Variants in RNF13 observed in about 807,000 individuals in gnomAD.
RNF13 encodes the protein E3 ubiquitin-protein ligase RNF13.
Under a neutral mutation model 37.7 loss-of-function variants are expected in RNF13, and 19 were observed. The observed-to-expected ratio is 0.50, with a 90% confidence interval of 0.35 to 0.74. RNF13 has a LOEUF of 0.74. Ranked by LOEUF, RNF13 falls within the 30% of genes least tolerant of loss-of-function variation. The probability of loss-of-function intolerance (pLI) is 0.01; values close to 1 mark genes in which losing one functional copy is unlikely to be tolerated. For synonymous variants in RNF13, 144 were observed against 157.8 expected (o/e 0.91, Z 0.65); for missense variants, 375 against 453.0 (o/e 0.83, Z 1.56).
chr3:149,912,226 C>G (rs1375657041), intron 7 of RNF13, 143 bp downstream of exon 7: 8 of 514,974 alleles, frequency 1.6e-5, no homozygotes. Context: ...CTAGAAAAAA[C>G]AAAGATAATG....
intron 8 of RNF13, among the ~76,000 whole-genome samples, chr3:149,921,992 G>A (rs994885548): frequency 1.3e-5 from 2 of 148,162 alleles, no homozygotes; most frequent in African/African-American, 5.0e-5. Context: ...TTTTTCTTTT[G>A]AGACGGAGTC....
At chr3:149,896,777 G>A (rs1393561812) in intron 5 of RNF13, among the ~76,000 whole-genome samples, 1 of 151,924 alleles carries the variant, frequency 6.6e-6, no homozygotes, top group Non-Finnish European at 1.5e-5. Context: ...CCGTGCCTGG[G>A]CATTTTTGTC....
At chr3:149,845,522 G>A (rs745515249) in intron 1 of RNF13, among the ~76,000 whole-genome samples, 7 of 152,118 alleles carry the variant, frequency 4.6e-5, no homozygotes, top group Non-Finnish European at 7.4e-5. Context: ...ATAAGTGGCT[G>A]TTAATTTTTT....
Position 149,865,329 on chromosome 3 carries a change from GAT to G in RNF13, c.196-6679_196-6678del, listed in dbSNP as rs3028509. ...GAAACTTCTTTCTAGATGTTTTGGT[GAT>G]ATATATATATATATATATATGTATA... On this transcript the variant is annotated intron_variant, in intron 3 of 9. Coordinates refer to ENST00000392894, the MANE Select transcript of RNF13 (RefSeq NM_183381.3). Among the ~76,000 whole-genome samples the G allele has an allele frequency of 1.2e-3, 167 of 139,090 alleles. 1 individual carries two copies. Among genetic ancestry groups the G allele is most frequent in the South Asian group, 9.6e-3 (41 of 4,260 alleles). The allele number at this position is 139,090 out of a possible 152,430, so 91.2% of individuals were successfully genotyped here. A position where few individuals can be genotyped will look rare whatever the true frequency, so the allele number is the denominator to read the frequency against.
intron 3 of RNF13, among the ~76,000 whole-genome samples, chr3:149,862,059 T>C (rs1008719937): frequency 3.9e-5 from 6 of 152,118 alleles, no homozygotes; most frequent in African/African-American, 1.4e-4. Context: ...ATATGTGTTA[T>C]TTTGCAACTT....
intron 7 of RNF13, among the ~76,000 whole-genome samples, chr3:149,918,593 A>G (rs1286203932): frequency 6.6e-6 from 1 of 152,052 alleles, no homozygotes; most frequent in Admixed American, 6.6e-5. Flanking sequence ...GCTGGAGTAC[A>G]GTGGCACAAT....
intron 5 of RNF13, among the ~76,000 whole-genome samples, chr3:149,900,304 T>C (rs1160059891): frequency 2.0e-5 from 3 of 152,094 alleles, no homozygotes; most frequent in Non-Finnish European, 1.5e-5. Flanking sequence ...ATTCCAAGTT[T>C]TAAGTATCAA....
chr3:149,924,302 GT>G (rs1718432007), intron 8 of RNF13, among the ~76,000 whole-genome samples: 1 of 152,276 alleles, frequency 6.6e-6, no homozygotes, highest in Admixed American at 6.5e-5. Context: ...GATGTTAGAA[GT>G]TTAAGAGAGA....
At chr3:149,932,195 A>C (rs1719224252) in intron 8 of RNF13, among the ~76,000 whole-genome samples, 2 of 152,202 alleles carry the variant, frequency 1.3e-5, no homozygotes, top group African/African-American at 4.8e-5. Context: ...TTTTGGACAC[A>C]TATCCAGCAA....
intron 8 of RNF13, among the ~76,000 whole-genome samples, chr3:149,945,457 G>GGCCT (rs1483802138): frequency 2.0e-5 from 3 of 152,204 alleles, no homozygotes; most frequent in African/African-American, 7.2e-5. Context: ...AGCTCAAGGA[G>GGCCT]GCCTGCCTGC....
intron 1 of RNF13, among the ~76,000 whole-genome samples, chr3:149,819,795 G>A (rs1719846040): frequency 1.3e-5 from 2 of 152,300 alleles, no homozygotes; most frequent in South Asian, 4.1e-4. Flanking sequence ...TTTTATGCAG[G>A]CAGTAACATA....
At chr3:149,862,239 C>T (rs1182174638) in intron 3 of RNF13, among the ~76,000 whole-genome samples, 1 of 151,914 alleles carries the variant, frequency 6.6e-6, no homozygotes, top group Admixed American at 6.6e-5. Flanking sequence ...ATTGCTTTCA[C>T]TTTTTAAAAA....
intron 4 of RNF13, among the ~76,000 whole-genome samples, chr3:149,874,406 C>T (rs1444747968): frequency 6.6e-6 from 1 of 152,066 alleles, no homozygotes; most frequent in East Asian, 1.9e-4. Flanking sequence ...CTGTGTGCCT[C>T]AATTTCCTTA....
intron 5 of RNF13, among the ~76,000 whole-genome samples, chr3:149,899,980 C>T (rs1484939880): frequency 1.3e-5 from 2 of 152,054 alleles, no homozygotes; most frequent in African/African-American, 2.4e-5. Flanking sequence ...CTATCTTTGT[C>T]GATATGTACT....
chr3:149,892,980 A>G (rs1714870585), intron 4 of RNF13, among the ~76,000 whole-genome samples: 1 of 152,224 alleles, frequency 6.6e-6, no homozygotes, highest in Non-Finnish European at 1.5e-5. Flanking sequence ...TCATGGAGAT[A>G]ATGGAATTTG....
intron 8 of RNF13, among the ~76,000 whole-genome samples, chr3:149,957,264 C>G (rs1412318235): frequency 6.6e-6 from 1 of 152,088 alleles, no homozygotes; most frequent in Non-Finnish European, 1.5e-5. Context: ...TTTTTAGTTT[C>G]AAGTATTTTA....
At chr3:149,942,856 T>C (rs1180670575) in intron 8 of RNF13, among the ~76,000 whole-genome samples, 1 of 152,206 alleles carries the variant, frequency 6.6e-6, no homozygotes, top group Non-Finnish European at 1.5e-5. Context: ...ACTTTTATTA[T>C]GCTGGGATAG....
At chr3:149,921,545 C>T (rs1386232062) in intron 8 of RNF13, among the ~76,000 whole-genome samples, 4 of 152,010 alleles carry the variant, frequency 2.6e-5, no homozygotes, top group East Asian at 1.9e-4. Flanking sequence ...AGTGAGAACA[C>T]GCAGTGTTTG....
At chr3:149,878,100 A>G (rs1712957926) in intron 4 of RNF13, among the ~76,000 whole-genome samples, 1 of 152,176 alleles carries the variant, frequency 6.6e-6, no homozygotes, top group African/African-American at 2.4e-5. Context: ...TAATGCCAGT[A>G]ACTTTATTTA....
Sources: gnomAD v4.1 joint callset for allele counts (sites outside exome capture counted in the v4.1 genomes callset) on GRCh38, gnomAD v4.1.1 for gene constraint, MANE v1.5 for transcripts, NCBI Gene and HGNC (gene_info 2026-07-23, HGNC 2026-07-21) for gene names.